THADA: variants seen among roughly 807,000 people sequenced by gnomAD.
The protein encoded by THADA is THADA armadillo repeat containing, also known as tRNA (32-2'-O)-methyltransferase regulator THADA.
In THADA, 213 loss-of-function variants were observed where a neutral mutation model predicts 219.8. The observed-to-expected ratio is 0.97, with a 90% CI of 0.87 to 1.09. The LOEUF (loss-of-function observed/expected upper bound fraction) is 1.09, where lower values mean the gene tolerates loss of function less well. Among genes scored for constraint, THADA ranks in the 50% least tolerant of loss-of-function variants. THADA has a pLI of 0.00. For synonymous variants in THADA, 1,018 were observed against 828.9 expected, an observed-to-expected ratio of 1.23 and a Z score of -3.92; for missense variants, 2,956 against 2,311.3, an observed-to-expected ratio of 1.28 and a Z score of -5.72.
chr2:43,240,038 G>A (rs1055274241), intron 36 of THADA, among the ~76,000 whole-genome samples: 3 of 152,240 alleles, frequency 2.0e-5, no homozygotes, highest in African/African-American at 7.2e-5. Flanking sequence ...AACAGTCGAA[G>A]ACGGTGTGTG....
intron 28 of THADA, among the ~76,000 whole-genome samples, chr2:43,411,947 T>A (rs1439170652): frequency 6.6e-6 from 1 of 152,190 alleles, no homozygotes; most frequent in Non-Finnish European, 1.5e-5. Flanking sequence ...ATGGGAAACA[T>A]GTCAGTAAAG....
At chr2:43,403,201 A>G (rs983422547) in intron 28 of THADA, among the ~76,000 whole-genome samples, 7 of 152,210 alleles carry the variant, frequency 4.6e-5, no homozygotes, top group African/African-American at 1.7e-4. Context: ...CTAAGACTTT[A>G]CAACGCAGTT....
chr2:43,591,620 A>C (rs938477218), intron 3 of THADA, among the ~76,000 whole-genome samples: 20 of 152,152 alleles, frequency 1.3e-4, no homozygotes, highest in Non-Finnish European at 2.6e-4. Flanking sequence ...TAATAAGTAT[A>C]ATCTTTATAT....
chr2:43,470,676 A>G (rs1377242345), intron 26 of THADA, among the ~76,000 whole-genome samples: 1 of 152,094 alleles, frequency 6.6e-6, no homozygotes, highest in African/African-American at 2.4e-5. Context: ...CAAGAATAAG[A>G]CTCTAACTTT....
rs542639810 is a variant in THADA at position 43,534,466 on chromosome 2, T to C, written c.3265-6478A>G. 2.6e-5 allele frequency among the ~76,000 whole-genome samples: 4 copies of C among 152,222 alleles called. No homozygotes were observed. In the South Asian group the frequency reaches 8.3e-4, roughly 32 times the overall value. ...GTAATTTGGTATCCTTTCACAACTCTACCTATCTCCACCCTCTCAACTACT... is the reference window on the plus strand; with the variant it reads ...GTAATTTGGTATCCTTTCACAACTCCACCTATCTCCACCCTCTCAACTACT... On this transcript the variant is annotated intron_variant, in intron 21 of 37. Coordinates refer to ENST00000405975, the MANE Select transcript of THADA (RefSeq NM_022065.5).
intron 26 of THADA, among the ~76,000 whole-genome samples, chr2:43,450,814 G>A (rs1418216898): frequency 5.3e-5 from 8 of 152,148 alleles, no homozygotes. Flanking sequence ...AGTAACGGAA[G>A]ACAGCAGGGG....
At chr2:43,501,097 G>A (rs1452230636) in intron 24 of THADA, among the ~76,000 whole-genome samples, 1 of 151,904 alleles carries the variant, frequency 6.6e-6, no homozygotes. Context: ...CCTGAGGTCA[G>A]GAGTTCAAAA....
At chr2:43,566,922 T>G (rs1222518016) in intron 14 of THADA, 101 bp from the exon 15 acceptor site, 11 of 837,934 alleles carry the variant, frequency 1.3e-5, no homozygotes, top group Non-Finnish European at 1.7e-6. Context: ...TTGTTTTCAA[T>G]TTAAAAATAA....
intron 26 of THADA, among the ~76,000 whole-genome samples, chr2:43,471,664 C>T (rs1355984941): frequency 6.6e-6 from 1 of 152,168 alleles, no homozygotes; most frequent in Non-Finnish European, 1.5e-5. Flanking sequence ...ACATATACAT[C>T]ATAGACAGAA....
chr2:43,241,370 T>G (rs1488505900), intron 36 of THADA, among the ~76,000 whole-genome samples: 1 of 151,958 alleles, frequency 6.6e-6, no homozygotes, highest in Non-Finnish European at 1.5e-5. Context: ...ATTACTGGTG[T>G]GAGCCACTTT....
chr2:43,286,607 G>T (rs1674041916), intron 35 of THADA, among the ~76,000 whole-genome samples: 1 of 152,040 alleles, frequency 6.6e-6, no homozygotes, highest in Non-Finnish European at 1.5e-5. Flanking sequence ...TGGGTTTGGT[G>T]ATGGCTACTC....
Position 43,363,830 on chromosome 2 carries a change from T to C in THADA, c.4228-19593A>G, listed in dbSNP as rs530096586. On this transcript the variant is annotated intron_variant, in intron 29 of 37. Coordinates refer to ENST00000405975, the MANE Select transcript of THADA (RefSeq NM_022065.5). ...AAGCCAGCCACTCGGGAGGCTGAGG[T>C]GGAAGGATCACTTGTACCCAGGAGT... Among the ~76,000 whole-genome samples, 3 of 152,050 alleles carry C rather than the reference T, an allele frequency of 2.0e-5. No homozygotes were observed. In the East Asian group the frequency reaches 5.8e-4, roughly 29 times the overall value.
intron 26 of THADA, among the ~76,000 whole-genome samples, chr2:43,481,717 A>G (rs1001607546): frequency 6.6e-6 from 1 of 151,982 alleles, no homozygotes; most frequent in African/African-American, 2.4e-5. Context: ...TTCTTCATGT[A>G]CTCCCCTATT....
chr2:43,587,844 G>A (rs1036940612), intron 4 of THADA, among the ~76,000 whole-genome samples: 5 of 152,024 alleles, frequency 3.3e-5, no homozygotes, highest in Non-Finnish European at 5.9e-5. Context: ...AACACAGTAG[G>A]CAGTCAATAA....
intron 29 of THADA, among the ~76,000 whole-genome samples, chr2:43,375,270 T>C (rs1290794314): frequency 1.3e-5 from 2 of 152,158 alleles, no homozygotes; most frequent in Non-Finnish European, 2.9e-5. Flanking sequence ...GAATATCAAG[T>C]CCAGGACTGT....
At chr2:43,570,177 T>C (rs1221145246) in intron 14 of THADA, among the ~76,000 whole-genome samples, 1 of 152,184 alleles carries the variant, frequency 6.6e-6, no homozygotes, top group Non-Finnish European at 1.5e-5. Flanking sequence ...AACGTCATTC[T>C]GTAACAGTCC....
intron 31 of THADA, among the ~76,000 whole-genome samples, chr2:43,297,778 G>T (rs1572965964): frequency 3.4e-5 from 4 of 119,314 alleles, no homozygotes; most frequent in South Asian, 2.6e-4. Context: ...GAGGTGGGGG[G>T]GTCGGCCCCC....
chr2:43,290,981 G>A (rs1674624047), intron 34 of THADA, among the ~76,000 whole-genome samples: 1 of 151,968 alleles, frequency 6.6e-6, no homozygotes, highest in African/African-American at 2.4e-5. Context: ...AAGCCTTAGC[G>A]ATGTATTTGC....
chr2:43,270,317 G>A (rs1257538637), intron 36 of THADA, among the ~76,000 whole-genome samples: 5 of 152,154 alleles, frequency 3.3e-5, no homozygotes, highest in African/African-American at 9.7e-5. Context: ...GAGGGGCACT[G>A]GAGAACAGGA....
Sources: allele counts gnomAD v4.1 joint callset (sites outside exome capture counted in the v4.1 genomes callset), GRCh38; gene constraint gnomAD v4.1.1; transcripts MANE v1.5; gene names NCBI Gene and HGNC (gene_info 2026-07-23, HGNC 2026-07-21).